ASIP: variants seen among roughly 807,000 people sequenced by gnomAD.
ASIP encodes the protein agouti signaling protein.
In ASIP, 11 loss-of-function variants were observed where a neutral mutation model predicts 10.3. The observed-to-expected ratio is 1.07, with a 90% confidence interval of 0.68 to 1.78. The LOEUF is 1.78. Ranked by LOEUF, ASIP falls within the 40% of genes most tolerant of loss-of-function variation. The pLI is 0.00. For missense variants in ASIP, 180 were observed against 169.2 expected (o/e 1.06, Z -0.35); for synonymous variants, 70 against 70.8 (o/e 0.99, Z 0.06).
At chr20:34,210,388 C>T (rs986843850) in intron 1 of ASIP, among the ~76,000 whole-genome samples, 3 of 152,212 alleles carry the variant, frequency 2.0e-5, no homozygotes, top group African/African-American at 7.2e-5. Flanking sequence ...GTGGAAGCTG[C>T]TTGCAGTGTG....
At chr20:34,214,083 A>G in intron 1 of ASIP, 1 of 1,221,316 alleles carries the variant, frequency 8.2e-7, no homozygotes, top group Non-Finnish European at 1.2e-6. Flanking sequence ...TCTCATAAAT[A>G]AAATTTGATC....
At chr20:34,201,036 CTTTCTTTCTTTCTTTCTTTCTTTCTTTT>C (rs2034894097) in intron 1 of ASIP, among the ~76,000 whole-genome samples, 1 of 112,600 alleles carries the variant, frequency 8.9e-6, no homozygotes, top group African/African-American at 3.2e-5. Flanking sequence ...TTCTTTCTTT[CTTTCTTTCTTTCTTTCTTTCTTTCTTTT>C]TTTTCCTCCA....
Position 34,213,345 on chromosome 20 carries a change from A to G in ASIP, c.-11+18585A>G. 3 of 516,274 alleles carry G rather than the reference A, an allele frequency of 5.8e-6. No individual in the cohort carries two copies. In the South Asian group the frequency reaches 1.1e-4, roughly 18 times the overall value. 32.0% of individuals were successfully genotyped at this position (516,274 alleles called of 1,614,324 possible). ...ATTACCCAGTCTGTGGTATGCTTTT[A>G]TAGCAGCACAAAACAGTCTAAGACA... On this transcript the variant is annotated intron_variant, in intron 1 of 3. Coordinates refer to the ASIP transcript ENST00000568305.
chr20:34,255,384 C>G (rs1048955678), intron 1 of ASIP, among the ~76,000 whole-genome samples: 1 of 152,028 alleles, frequency 6.6e-6, no homozygotes, highest in Non-Finnish European at 1.5e-5. Flanking sequence ...CTCAACCTCC[C>G]AGGTTCAAGC....
intron 1 of ASIP, among the ~76,000 whole-genome samples, chr20:34,251,837 T>C (rs2122634347): frequency 6.6e-6 from 1 of 152,246 alleles, no homozygotes; most frequent in African/African-American, 2.4e-5. Flanking sequence ...AGAGAGATGA[T>C]GGCTGTCTAT....
intron 1 of ASIP, among the ~76,000 whole-genome samples, chr20:34,242,431 C>T (rs760978446): frequency 2.0e-5 from 3 of 152,042 alleles, no homozygotes; most frequent in Non-Finnish European, 4.4e-5. Context: ...CAGGGTTCCA[C>T]TATGTTGGCC....
intron 1 of ASIP, among the ~76,000 whole-genome samples, chr20:34,245,771 A>G (rs570115785): frequency 2.6e-5 from 4 of 152,182 alleles, no homozygotes; most frequent in Non-Finnish European, 5.9e-5. Context: ...TTGGCAATTA[A>G]AAAAACAAGC....
intron 1 of ASIP, chr20:34,246,486 T>G: frequency 7.2e-7 from 1 of 1,386,548 alleles, no homozygotes; most frequent in Admixed American, 1.7e-5. Context: ...AACTTGGCAC[T>G]GTTCCTTGGG....
At chr20:34,204,947 G>A (rs868634800) in intron 1 of ASIP, among the ~76,000 whole-genome samples, 1 of 152,154 alleles carries the variant, frequency 6.6e-6, no homozygotes, top group South Asian at 2.1e-4. Flanking sequence ...ATCACCTCAA[G>A]CATTTATCAT....
chr20:34,194,756 G>A (rs181477261), exon 1 of ASIP: 4 of 152,210 alleles, frequency 2.6e-5, no homozygotes, highest in Admixed American at 1.3e-4. Flanking sequence ...CCTGTATAGA[G>A]AGAGGTGAGC....
chr20:34,225,639 A>T (rs1476463638), intron 1 of ASIP, among the ~76,000 whole-genome samples: 3 of 152,166 alleles, frequency 2.0e-5, no homozygotes, highest in African/African-American at 7.2e-5. Flanking sequence ...TTGTTTCGTA[A>T]TAATAATTCT....
intron 1 of ASIP, among the ~76,000 whole-genome samples, chr20:34,220,044 C>T (rs2035035517): frequency 6.6e-6 from 1 of 151,784 alleles, no homozygotes; most frequent in African/African-American, 2.4e-5. Flanking sequence ...GAGCCGAGAT[C>T]GTGCCACTGC....
intron 1 of ASIP, chr20:34,213,556 T>G: frequency 6.5e-7 from 1 of 1,537,070 alleles, no homozygotes. Context: ...AAAAATTGCA[T>G]GAAGCAGGGG....
chr20:34,191,727 T>C (rs2034825399), upstream of ASIP, among the ~76,000 whole-genome samples: 4 of 135,652 alleles, frequency 2.9e-5, no homozygotes, highest in African/African-American at 1.4e-4. Context: ...CCTCTCTCTC[T>C]CTCTTTTTTT....
intron 1 of ASIP, among the ~76,000 whole-genome samples, chr20:34,202,603 C>T (rs1056815833): frequency 1.3e-5 from 2 of 151,948 alleles, no homozygotes; most frequent in Non-Finnish European, 1.5e-5. Context: ...ATTAATTTCC[C>T]ACTTTTATTA....
upstream of ASIP, among the ~76,000 whole-genome samples, chr20:34,191,722 C>G (rs906306770): frequency 7.0e-6 from 1 of 142,266 alleles, no homozygotes; most frequent in Admixed American, 6.7e-5. Flanking sequence ...TCCTTCCTCT[C>G]TCTCTCTCTT....
intron 1 of ASIP, among the ~76,000 whole-genome samples, chr20:34,211,022 G>A (rs1398174219): frequency 2.6e-5 from 4 of 152,050 alleles, no homozygotes; most frequent in Non-Finnish European, 4.4e-5. Context: ...CTCTTGTAGT[G>A]TTCTCTCTCT....
intron 1 of ASIP, among the ~76,000 whole-genome samples, chr20:34,216,648 CA>C (rs2035010887): frequency 6.6e-6 from 1 of 152,112 alleles, no homozygotes; most frequent in Non-Finnish European, 1.5e-5. Context: ...TAGAGATACC[CA>C]GTTTTTTTCA....
chr20:34,248,594 G>A (rs886323137), intron 1 of ASIP, among the ~76,000 whole-genome samples: 21 of 151,894 alleles, frequency 1.4e-4, no homozygotes, highest in Admixed American at 2.6e-4. Flanking sequence ...CTTGAGCCCA[G>A]GAGTTTGAGA....
Sources: allele counts gnomAD v4.1 joint callset (sites outside exome capture counted in the v4.1 genomes callset), GRCh38; gene constraint gnomAD v4.1.1; transcripts MANE v1.5; gene names NCBI Gene and HGNC (gene_info 2026-07-23, HGNC 2026-07-21).